CUX1: variants seen among roughly 807,000 people sequenced by gnomAD.
The protein encoded by CUX1 is cut like homeobox 1, also known as protein CASP.
CUX1 carries 31 observed loss-of-function variants against 158.8 expected under a neutral mutation model. That is an observed-to-expected ratio of 0.20 (90% CI 0.15 to 0.26). The LOEUF (loss-of-function observed/expected upper bound fraction) is 0.26, where lower values mean the gene tolerates loss of function less well. CUX1 is among the 10% of genes least tolerant of loss of function. CUX1 has a pLI of 1.00. For synonymous variants in CUX1, 879 were observed against 862.1 expected, an observed-to-expected ratio of 1.02 and a Z score of -0.34; for missense variants, 1,589 against 2,014.6, an observed-to-expected ratio of 0.79 and a Z score of 4.04.
At chr7:101,852,641 A>T (rs1032750395) in intron 1 of CUX1, among the ~76,000 whole-genome samples, 3 of 150,906 alleles carry the variant, frequency 2.0e-5, no homozygotes, top group Non-Finnish European at 4.4e-5. Flanking sequence ...ATTTTAAAAA[A>T]GTTTTCTTCT....
At position 102,250,975 on chromosome 7, in the gene CUX1, T is replaced by TA. The variant is rs538171088; in HGVS notation, c.*1933_*1934insA. On this transcript the variant is annotated 3_prime_UTR_variant, in exon 24 of 24. Coordinates refer to ENST00000292535, the MANE Select transcript of CUX1 (RefSeq NM_181552.4). Reference sequence around the variant, plus strand: ...TAGATGATTTCGGTATATATATATATTTTTTTTTGCTTATTTATAGGTGCT... The same window carrying TA: ...TAGATGATTTCGGTATATATATATATATTTTTTTTGCTTATTTATAGGTGCT... The TA allele has an allele frequency of 3.1e-4, 275 of 899,798 alleles. 1 individual carries two copies. The highest frequency in any genetic ancestry group is 1.1e-3 in the East Asian group (9 of 8,400). The allele number at this position is 899,798 out of a possible 1,614,324, so 55.7% of individuals were successfully genotyped here. A position where few individuals can be genotyped will look rare whatever the true frequency, so the allele number is the denominator to read the frequency against.
At chr7:102,108,881 A>G (rs753426319) in intron 6 of CUX1, among the ~76,000 whole-genome samples, 41 of 151,934 alleles carry the variant, frequency 2.7e-4, no homozygotes, top group African/African-American at 3.9e-4. Context: ...CAGCCTCCCA[A>G]ATAGCTGGGG....
At chr7:101,965,342 C>T (rs929830348) in intron 2 of CUX1, among the ~76,000 whole-genome samples, 1 of 152,080 alleles carries the variant, frequency 6.6e-6, no homozygotes, top group Admixed American at 6.5e-5. Context: ...ACGAAACTCA[C>T]AAGCCACAAA....
At chr7:102,051,225 C>T (rs1823454445) in intron 3 of CUX1, among the ~76,000 whole-genome samples, 2 of 152,226 alleles carry the variant, frequency 1.3e-5, no homozygotes, top group South Asian at 4.2e-4. Context: ...TAGCCCTCCT[C>T]TCCCCACTGA....
rs144713728 is a variant in CUX1, at chr7:102,060,425, G to C, written c.190-9914G>C. On this transcript the variant is annotated intron_variant, in intron 3 of 23. Coordinates refer to ENST00000292535, the MANE Select transcript of CUX1 (RefSeq NM_181552.4). ...GGATTTATTAGCGAAGGTTAGTGCT[G>C]TTGACCCGGTTTCTATCCAGATGGT... Among the ~76,000 whole-genome samples the C allele has an allele frequency of 3.3e-5, 5 of 152,028 alleles. No homozygotes were observed. In the East Asian group the frequency reaches 7.7e-4, roughly 24 times the overall value.
At chr7:102,000,188 C>T (rs919701009) in intron 2 of CUX1, among the ~76,000 whole-genome samples, 1 of 150,298 alleles carries the variant, frequency 6.7e-6, no homozygotes, top group Non-Finnish European at 1.5e-5. Flanking sequence ...TGCACTCCAG[C>T]CTGGGTGACA....
At chr7:102,205,225 T>C in intron 20 of CUX1, 55 bp downstream of exon 20, 1 of 1,301,814 alleles carries the variant, frequency 7.7e-7, no homozygotes, top group South Asian at 1.2e-5. Context: ...CCTTTTCTGT[T>C]GTCCCGTGCT....
At chr7:102,218,149 A>G (rs972483311) in intron 20 of CUX1, among the ~76,000 whole-genome samples, 4 of 152,118 alleles carry the variant, frequency 2.6e-5, no homozygotes, top group African/African-American at 4.8e-5. Flanking sequence ...CTCCCCAGAA[A>G]CACCCTCGTC....
intron 2 of CUX1, among the ~76,000 whole-genome samples, chr7:102,022,537 G>A (rs752010040): frequency 2.0e-4 from 31 of 151,704 alleles, no homozygotes; most frequent in Admixed American, 4.6e-4. Context: ...AGGATTGCTC[G>A]TGCCCGGGAG....
intron 1 of CUX1, among the ~76,000 whole-genome samples, chr7:101,895,295 C>G (rs1417374411): frequency 6.6e-6 from 1 of 152,100 alleles, no homozygotes; most frequent in Non-Finnish European, 1.5e-5. Flanking sequence ...AAGTGCTTTT[C>G]CTAGAGTTTT....
At chr7:102,036,122 A>C (rs1821399000) in intron 3 of CUX1, among the ~76,000 whole-genome samples, 1 of 152,044 alleles carries the variant, frequency 6.6e-6, no homozygotes, top group Non-Finnish European at 1.5e-5. Flanking sequence ...GCCTGCCACC[A>C]CACCCAGCTA....
intron 6 of CUX1, 35 bp from the exon 7 acceptor site, chr7:102,111,663 G>C (rs782150517): frequency 6.2e-7 from 1 of 1,601,394 alleles, no homozygotes; most frequent in Non-Finnish European, 8.6e-7. Flanking sequence ...TGGTAAAGGA[G>C]ATGACCAATT....
At chr7:101,832,797 T>C (rs1794200774) in intron 1 of CUX1, among the ~76,000 whole-genome samples, 1 of 152,156 alleles carries the variant, frequency 6.6e-6, no homozygotes, top group African/African-American at 2.4e-5. Flanking sequence ...GGACTGCCAC[T>C]TCTGGGCGCG....
chr7:102,127,283 TG>T (rs1832742870), intron 8 of CUX1, among the ~76,000 whole-genome samples: 1 of 152,248 alleles, frequency 6.6e-6, no homozygotes, highest in Non-Finnish European at 1.5e-5. Flanking sequence ...CATAGCTCAC[TG>T]CAGCCTCCAA....
intron 2 of CUX1, among the ~76,000 whole-genome samples, chr7:102,020,710 T>C (rs1256785260): frequency 1.3e-5 from 2 of 151,832 alleles, no homozygotes; most frequent in East Asian, 3.9e-4. Flanking sequence ...TGAAACCCCG[T>C]CTCTACTAAA....
Position 101,833,562 on chromosome 7 carries a change from T to TAAA in CUX1, c.30+15915_30+15917dup, listed in dbSNP as rs534986714. 3.5e-3 allele frequency among the ~76,000 whole-genome samples: 266 copies of TAAA among 75,766 alleles called. 7 individuals carry two copies. The highest frequency in any genetic ancestry group is 4.0e-3 in the Non-Finnish European group (175 of 43,264). 49.7% of individuals were successfully genotyped at this position (75,766 alleles called of 152,430 possible). A position where few individuals can be genotyped will look rare whatever the true frequency, so the allele number is the denominator to read the frequency against. On this transcript the variant is annotated intron_variant, in intron 1 of 23. Transcript: ENST00000292535. The stretch of plus-strand genomic sequence containing the variant: ...AGAGCAAGAGGAAGACTCTGTCTCT[T>TAAA]AAAAAAAAAAAAAAAAAAAAAAAAG...
chr7:101,918,194 C>G lies in CUX1; in HGVS notation c.141+1969C>G, dbSNP rs560711685. Among the ~76,000 whole-genome samples the G allele has an allele frequency of 2.4e-4, 37 of 152,286 alleles. No homozygotes were observed. In the South Asian group the frequency reaches 2.7e-3, roughly 11 times the overall value. On this transcript the variant is annotated intron_variant, in intron 2 of 23. Coordinates refer to ENST00000292535, the MANE Select transcript of CUX1 (RefSeq NM_181552.4). Reference sequence around the variant, plus strand: ...GTGACAGTGGAGGAGGAGCGTGTCCCCCTTCGGTCACCCTGTCCGTTCCTT... The same window carrying G: ...GTGACAGTGGAGGAGGAGCGTGTCCGCCTTCGGTCACCCTGTCCGTTCCTT...
In CUX1 at chr7:102,229,041, C is replaced by T. The variant is rs78179837; in HGVS notation, c.3433+1372C>T. On this transcript the variant is annotated intron_variant, in intron 21 of 23. Transcript: ENST00000292535. ...TAGCAGCATTTTCTAGCACCAGGCC[C>T]GACTGGTAATAATAGTCATTGTTAT... is the stretch of plus-strand genomic sequence containing the variant. 4.5e-3 allele frequency among the ~76,000 whole-genome samples: 685 copies of T among 152,288 alleles called. 24 individuals carry two copies. The highest frequency in any genetic ancestry group is 0.042 in the Admixed American group (635 of 15,294).
At chr7:101,870,465 A>T (rs1162142260) in intron 1 of CUX1, among the ~76,000 whole-genome samples, 1 of 151,982 alleles carries the variant, frequency 6.6e-6, no homozygotes, top group Non-Finnish European at 1.5e-5. Flanking sequence ...GACATTCCCT[A>T]ATGTTTAGTT....
Sources: allele counts gnomAD v4.1 joint callset (sites outside exome capture counted in the v4.1 genomes callset), GRCh38; gene constraint gnomAD v4.1.1; transcripts MANE v1.5; gene names NCBI Gene and HGNC (gene_info 2026-07-23, HGNC 2026-07-21).